The following BCAR1 variants were observed in gnomAD, a reference collection of about 807,000 sequenced individuals.
BCAR1 encodes BCAR1 scaffold protein, Cas family member.
Under a neutral mutation model 67.6 loss-of-function variants are expected in BCAR1, and 30 were observed. The observed-to-expected ratio is 0.44, with a 90% CI of 0.33 to 0.60. The LOEUF is 0.60. Among genes scored for constraint, BCAR1 ranks in the 20% least tolerant of loss-of-function variants. The pLI is 0.02. For synonymous variants in BCAR1, 626 were observed against 556.7 expected, an observed-to-expected ratio of 1.12 and a Z score of -1.75; for missense variants, 1,313 against 1,222.3, an observed-to-expected ratio of 1.07 and a Z score of -1.11.
rs758664765 is a variant in BCAR1 at position 75,235,035 on chromosome 16, G to A, written c.1864C>T (p.His622Tyr). 1 of 1,613,158 alleles carries A rather than the reference G, an allele frequency of 6.2e-7. No homozygotes were observed. Among genetic ancestry groups the A allele is most frequent in the Non-Finnish European group, 8.5e-7 (1 of 1,179,984 alleles). Residue 622 changes from histidine (H) to tyrosine (Y), a missense_variant, in exon 5 of 7, where the codon CAC becomes TAC. His to Tyr is a moderately conservative substitution (Grantham distance 83). Transcript: ENST00000162330. ...CTGGTCTTGTCAGTGGGGTTGGGGT[G>A]CAGGGTGCCACCCCCCTCAGGCCCC... is the stretch of plus-strand genomic sequence containing the variant. Reference protein sequence around the residue: ...APGPEGGGTLHPNPTDKTSSI... With the variant: ...APGPEGGGTLYPNPTDKTSSI...
intron 1 of BCAR1, chr16:75,247,946 T>A (rs2077567679): frequency 1.2e-6 from 1 of 802,460 alleles, no homozygotes; most frequent in Non-Finnish European, 2.2e-6. Context: ...TGTCACTAAG[T>A]TCACAATAAT....
chr16:75,267,270 T>A (rs971376466), intron 1 of BCAR1, among the ~76,000 whole-genome samples: 2 of 152,134 alleles, frequency 1.3e-5, no homozygotes, highest in African/African-American at 4.8e-5. Flanking sequence ...GGTCCTTCCC[T>A]GCTCCAGTAG....
At chr16:75,248,277 C>T in intron 1 of BCAR1, 12 of 1,445,010 alleles carry the variant, frequency 8.3e-6, no homozygotes, top group Non-Finnish European at 1.1e-5. Context: ...CGCACACATG[C>T]ACCCGCCCCA....
In BCAR1 at chr16:75,235,107, G is replaced by A. The variant is rs749601292; in HGVS notation, c.1792C>T (p.His598Tyr). 16 of 1,611,598 alleles carry A rather than the reference G, an allele frequency of 9.9e-6. No homozygotes were observed. Among genetic ancestry groups the A allele is most frequent in the Middle Eastern group, 1.6e-4 (1 of 6,084 alleles). The change falls in exon 5 of 7, where the codon CAC (histidine) becomes TAC (tyrosine). Residue 598 changes from histidine to tyrosine, a missense_variant. Coordinates refer to ENST00000162330, the MANE Select transcript of BCAR1 (RefSeq NM_014567.5). Reference protein sequence around the residue: ...EDAKQLASFLHGNASLLFRRT... With the variant: ...EDAKQLASFLYGNASLLFRRT... ...CTGAAGAGCAGTGAGGCATTGCCGT[G>A]CAGGAAGGAGGCCAGCTGCTTGGCG... is the stretch of plus-strand genomic sequence containing the variant.
rs563387629 is a variant in BCAR1, at chr16:75,261,390, C to T, written c.66+6525G>A. On this transcript the variant is annotated intron_variant, in intron 1 of 6. Coordinates refer to the BCAR1 transcript ENST00000393422. ...ATCACCCAGGCCCCCCACTCACCCT[C>T]CTGGCTGTAGGCCCCTCCCTTAAGG... Among the ~76,000 whole-genome samples, 177 of 152,356 alleles carry T rather than the reference C, an allele frequency of 1.2e-3. 2 individuals are homozygous for T. Among genetic ancestry groups the T allele is most frequent in the African/African-American group, 4.2e-3 (173 of 41,594 alleles).
rs544766063 is a variant in BCAR1, at chr16:75,264,067, G to A, written c.66+3848C>T. Reference sequence around the variant, plus strand: ...GAGGGTAGGAGATGACTCAGAGCCCGTGATGGTGTGGCCAGGCTGCAGGTC... The same window carrying A: ...GAGGGTAGGAGATGACTCAGAGCCCATGATGGTGTGGCCAGGCTGCAGGTC... On this transcript the variant is annotated intron_variant, in intron 1 of 6. Transcript: ENST00000393422. 276 of 1,241,272 alleles carry A rather than the reference G, an allele frequency of 2.2e-4. No homozygotes were observed. The African/African-American group carries it at 3.7e-3, about 17-fold the overall frequency. 76.9% of individuals were successfully genotyped at this position (1,241,272 alleles called of 1,614,324 possible). A position where few individuals can be genotyped will look rare whatever the true frequency, so the allele number is the denominator to read the frequency against.
At chr16:75,241,163 G>A (rs73621368) in intron 2 of BCAR1, among the ~76,000 whole-genome samples, 26 of 151,398 alleles carry the variant, frequency 1.7e-4, no homozygotes, top group African/African-American at 4.4e-4. Context: ...TGTGGGGTGA[G>A]TATGCACGTG....
rs16957552 is a variant in BCAR1 at position 75,235,226 on chromosome 16, T to C, written c.1673A>G (p.His558Arg). The change falls in exon 5 of 7, where the codon CAT becomes CGT. Residue 558 changes from histidine to arginine, a missense_variant. Transcript: ENST00000162330. ...CCGGCCAGCGTCGAGGGCCTGACCATGTGCCACCAGCGTCTGGTGCACGTC... is the reference window on the plus strand; with the variant it reads ...CCGGCCAGCGTCGAGGGCCTGACCACGTGCCACCAGCGTCTGGTGCACGTC... The part of the protein sequence containing the change: ...MEDVHQTLVA[H>R]GQALDAGRGG... 5.0e-3 allele frequency: 8,011 copies of C among 1,607,154 alleles called. 407 individuals carry two copies. In the African/African-American group the frequency reaches 0.096, roughly 19 times the overall value.
chr16:75,266,006 A>C, intron 1 of BCAR1: 1 of 1,032,842 alleles, frequency 9.7e-7, no homozygotes, highest in East Asian at 8.9e-5. Context: ...CGCGCCGCGC[A>C]TGCGCCGCCC....
At chr16:75,251,670 C>G (rs2077684337), upstream of BCAR1, 1 of 995,808 alleles carries the variant, frequency 1.0e-6, no homozygotes, top group African/African-American at 1.7e-5. Flanking sequence ...CCAGCCCGAT[C>G]CCAGCATGCC....
At chr16:75,265,278 G>T (rs2077981035) in intron 1 of BCAR1, 1 of 152,330 alleles carries the variant, frequency 6.6e-6, no homozygotes, top group Non-Finnish European at 1.5e-5. Context: ...TGGGGGAGGG[G>T]TGGCTCCGGC....
intron 1 of BCAR1, chr16:75,247,999 C>T (rs1597249543): frequency 1.9e-6 from 2 of 1,068,818 alleles, no homozygotes; most frequent in East Asian, 2.4e-5. Flanking sequence ...GAGCTCTTTC[C>T]CACACAGCCA....
At chr16:75,257,278 C>T (rs1478928357) in intron 1 of BCAR1, among the ~76,000 whole-genome samples, 2 of 152,138 alleles carry the variant, frequency 1.3e-5, no homozygotes, top group Admixed American at 6.5e-5. Flanking sequence ...TGCCCACTCC[C>T]GGCCGCTTTC....
rs2080591360 is a variant in BCAR1 at position 75,236,334 on chromosome 16, ACACT to A, written c.913-352_913-349del. 3 of 384,774 alleles carry A rather than the reference ACACT, an allele frequency of 7.8e-6. No individual in the cohort carries two copies. The South Asian group carries it at 1.3e-4, about 17-fold the overall frequency. 23.8% of individuals were successfully genotyped at this position (384,774 alleles called of 1,614,324 possible). The stretch of plus-strand genomic sequence containing the variant: ...AATTCACATAATTGTGTCACTGCAG[ACACT>A]CACTGAAAGGTTAGCTGTGATACTG... On this transcript the variant is annotated intron_variant, in intron 4 of 6. Transcript: ENST00000162330.
At chr16:75,255,923 G>A (rs1005986132), upstream of BCAR1, among the ~76,000 whole-genome samples, 5 of 151,974 alleles carry the variant, frequency 3.3e-5, no homozygotes, top group South Asian at 2.1e-4. Context: ...CCCGGGAGGC[G>A]GAGGTTGCAG....
At chr16:75,236,087 T>C in intron 4 of BCAR1, 101 bp from the exon 5 acceptor site, 3 of 1,405,552 alleles carry the variant, frequency 2.1e-6, no homozygotes, top group Admixed American at 2.4e-5. Flanking sequence ...CGTACACACA[T>C]ACAGACACAC....
chr16:75,229,826 A>T lies in BCAR1; in HGVS notation c.2298T>A (p.Phe766Leu). The T allele has an allele frequency of 6.2e-7, 1 of 1,613,450 alleles. No individual in the cohort carries two copies. Among genetic ancestry groups the T allele is most frequent in the Non-Finnish European group, 8.5e-7 (1 of 1,179,994 alleles). Reference sequence around the variant, plus strand: ...GCGGCTGGTTGGTGGCCACGGCGGTAAAGAAGGCGTCCACGGCGTTGGTCA... The same window carrying T: ...GCGGCTGGTTGGTGGCCACGGCGGTTAAGAAGGCGTCCACGGCGTTGGTCA... Reference protein sequence around the residue: ...TTLTNAVDAFFTAVATNQPPK... With the variant: ...TTLTNAVDAFLTAVATNQPPK... Residue 766 changes from phenylalanine to leucine, a missense_variant, in exon 7 of 7, where the codon TTT becomes TTA. Coordinates refer to ENST00000162330, the MANE Select transcript of BCAR1 (RefSeq NM_014567.5).
chr16:75,252,650 A>C (rs2151465167), upstream of BCAR1, among the ~76,000 whole-genome samples: 1 of 152,316 alleles, frequency 6.6e-6, no homozygotes. Context: ...GAGCAATGGG[A>C]TGCCACGAGG....
At chr16:75,238,321 G>A (rs1224604944) in intron 2 of BCAR1, 14 of 1,142,624 alleles carry the variant, frequency 1.2e-5, no homozygotes, top group African/African-American at 1.7e-5. Flanking sequence ...TCCACCACCA[G>A]GCTCCCTGTT....
Sources: gnomAD v4.1 joint callset for allele counts (sites outside exome capture counted in the v4.1 genomes callset) on GRCh38, gnomAD v4.1.1 for gene constraint, MANE v1.5 for transcripts, NCBI Gene and HGNC (gene_info 2026-07-23, HGNC 2026-07-21) for gene names.